IMPA2: variants seen among roughly 807,000 people sequenced by gnomAD.
IMPA2 encodes IMP 2.
A neutral mutation model predicts 35.1 loss-of-function variants in IMPA2; 32 were observed. The observed-to-expected ratio is 0.91, with a 90% CI of 0.69 to 1.23. The LOEUF is 1.23. IMPA2 is among the 50% of genes most tolerant of loss of function. The pLI, the probability that IMPA2 is intolerant of heterozygous loss-of-function variation, is 0.00. For synonymous variants in IMPA2, 135 were observed against 160.6 expected, an observed-to-expected ratio of 0.84 and a Z score of 1.20; for missense variants, 334 against 387.6, an observed-to-expected ratio of 0.86 and a Z score of 1.16.
rs951737195 is a variant in IMPA2 at position 12,025,137 on chromosome 18, T to C, written c.491-2906T>C. Among the ~76,000 whole-genome samples the C allele has an allele frequency of 3.4e-4, 52 of 152,232 alleles. 2 individuals carry two copies. Among genetic ancestry groups the C allele is most frequent in the Non-Finnish European group, 1.5e-5 (1 of 68,050 alleles). On this transcript the variant is annotated intron_variant, in intron 5 of 7. Coordinates refer to ENST00000269159, the MANE Select transcript of IMPA2 (RefSeq NM_014214.3). ...CATGGAGTTGGAATCATACGGTGTG[T>C]AGCTTTTGAGATTGGCTTCTTTCAC... is the stretch of plus-strand genomic sequence containing the variant.
Position 12,010,009 on chromosome 18 carries a change from T to A in IMPA2, c.335+22T>A, listed in dbSNP as rs1399408105. 1.3e-6 allele frequency: 2 copies of A among 1,564,926 alleles called. No homozygotes were observed. Among genetic ancestry groups the A allele is most frequent in the Admixed American group, 1.7e-5 (1 of 59,948 alleles). The stretch of plus-strand genomic sequence containing the variant: ...ACAGGTGAGCTGAGCAGGGATCGCC[T>A]CCATTGCAGGGCTTAACATGTCCTC... On this transcript the variant is annotated intron_variant, in intron 3 of 7. Coordinates refer to ENST00000269159, the MANE Select transcript of IMPA2 (RefSeq NM_014214.3). This position sits in a 1 kb window ranked among gnomAD's most constrained non-coding sequence, Gnocchi z 4.8.
intron 1 of IMPA2, among the ~76,000 whole-genome samples, chr18:11,998,057 T>C (rs1351754343): frequency 2.0e-5 from 3 of 152,060 alleles, no homozygotes; most frequent in African/African-American, 7.2e-5. Context: ...GTCCTAGCTA[T>C]TGGGGAGGCT....
intron 2 of IMPA2, among the ~76,000 whole-genome samples, chr18:12,001,135 A>G (rs570025107): frequency 6.6e-6 from 1 of 151,416 alleles, no homozygotes; most frequent in East Asian, 2.0e-4. Flanking sequence ...AGGCTGAGGC[A>G]GGAGAATTGC....
intron 6 of IMPA2, 142 bp from the exon 7 acceptor site, chr18:12,028,700 C>T: frequency 2.1e-6 from 2 of 966,026 alleles, no homozygotes; most frequent in Non-Finnish European, 3.1e-6. Flanking sequence ...CTATATTCAG[C>T]CTCCAGAGCT....
chr18:12,008,738 A>G (rs931824982), intron 2 of IMPA2: 2 of 360,124 alleles, frequency 5.6e-6, no homozygotes, highest in Non-Finnish European at 1.1e-5. Context: ...GGGAGTTGCC[A>G]TTCGTGGAGG....
chr18:12,030,380 G>A lies in IMPA2; in HGVS notation c.789G>A (p.Ala263=), dbSNP rs1031109837. The A allele has an allele frequency of 6.8e-6, 11 of 1,614,086 alleles. No individual in the cohort carries two copies. The highest frequency in any genetic ancestry group is 2.2e-5 in the East Asian group (1 of 44,894). ...PLDLMACRVV[A]ASTREMAMLI... ...ACCTCATGGCTTGCAGAGTGGTTGC[G>A]GCCAGCACCCGGGAGATGGCGATGC... The change falls in exon 8 of 8, where the codon GCG becomes GCA. Residue 263 remains alanine, a synonymous_variant. Coordinates refer to ENST00000269159, the MANE Select transcript of IMPA2 (RefSeq NM_014214.3).
Position 12,010,263 on chromosome 18 carries a change from G to T in IMPA2, c.335+276G>T, listed in dbSNP as rs1414104246. The T allele has an allele frequency of 2.8e-6, 1 of 351,388 alleles. No individual in the cohort carries two copies. 21.8% of individuals were successfully genotyped at this position (351,388 alleles called of 1,614,324 possible). A position where few individuals can be genotyped will look rare whatever the true frequency, so the allele number is the denominator to read the frequency against. The stretch of plus-strand genomic sequence containing the variant: ...GGGTTGCATTTAACAAGGACCCCTT[G>T]AAGGAGTCTGACTCCCCTCACACCC... On this transcript the variant is annotated intron_variant, in intron 3 of 7. Transcript: ENST00000269159. The surrounding 1 kb of genome is among the most constrained non-coding windows in gnomAD (Gnocchi z 4.8).
chr18:12,012,114 T>G, intron 3 of IMPA2, 56 bp from the exon 4 acceptor site: 3 of 1,553,506 alleles, frequency 1.9e-6, no homozygotes, highest in Non-Finnish European at 2.7e-6. Flanking sequence ...GCACACAGGC[T>G]CCCGAGAGCT....
intron 2 of IMPA2, among the ~76,000 whole-genome samples, chr18:12,004,474 G>A (rs1267942000): frequency 6.6e-6 from 1 of 151,476 alleles, no homozygotes; most frequent in Admixed American, 6.6e-5. Flanking sequence ...TAGACGTATG[G>A]AATGTTCTTT....
At chr18:11,998,457 C>T (rs999137370) in intron 1 of IMPA2, among the ~76,000 whole-genome samples, 65 of 152,318 alleles carry the variant, frequency 4.3e-4, no homozygotes, top group African/African-American at 1.5e-3. Context: ...CAGCCCAGAG[C>T]GCAGTGAGAG....
At chr18:12,026,568 C>T (rs913491861) in intron 5 of IMPA2, among the ~76,000 whole-genome samples, 14 of 152,180 alleles carry the variant, frequency 9.2e-5, no homozygotes, top group African/African-American at 2.9e-4. Flanking sequence ...AACTGTTTAT[C>T]GAGTGCCCAC....
chr18:11,997,183 C>T (rs1300343811), intron 1 of IMPA2, among the ~76,000 whole-genome samples: 5 of 152,244 alleles, frequency 3.3e-5, no homozygotes, highest in Non-Finnish European at 5.9e-5. Context: ...GGTCCTGGAC[C>T]ATGGGCAGAT....
intron 4 of IMPA2, among the ~76,000 whole-genome samples, chr18:12,013,159 G>A (rs1448921090): frequency 1.3e-5 from 2 of 152,208 alleles, no homozygotes; most frequent in Admixed American, 1.3e-4. Context: ...CCTTCTGTGG[G>A]TTGGCTAGGG....
At chr18:12,025,902 C>T (rs1169419796) in intron 5 of IMPA2, among the ~76,000 whole-genome samples, 1 of 152,082 alleles carries the variant, frequency 6.6e-6, no homozygotes, top group East Asian at 1.9e-4. Flanking sequence ...TCCCTGAGGA[C>T]ATATGATGTG....
intron 2 of IMPA2, among the ~76,000 whole-genome samples, chr18:12,006,062 C>G (rs1232990626): frequency 6.6e-6 from 1 of 152,134 alleles, no homozygotes; most frequent in Non-Finnish European, 1.5e-5. Flanking sequence ...TTAAAAACGT[C>G]ATTGCAAGCC....
At chr18:12,011,478 C>G (rs559090270) in intron 3 of IMPA2, among the ~76,000 whole-genome samples, 50 of 152,360 alleles carry the variant, frequency 3.3e-4, no homozygotes, top group African/African-American at 1.2e-3. Context: ...CCCAAGGTCC[C>G]ACACACCCTG....
At chr18:12,016,439 T>G (rs1317668355) in intron 5 of IMPA2, among the ~76,000 whole-genome samples, 1 of 151,876 alleles carries the variant, frequency 6.6e-6, no homozygotes, top group Admixed American at 6.6e-5. Context: ...TTTTTTTTTT[T>G]TTCTGAGATG....
At chr18:11,984,947 G>A (rs1317054776) in intron 1 of IMPA2, among the ~76,000 whole-genome samples, 14 of 138,896 alleles carry the variant, frequency 1.0e-4, no homozygotes, top group African/African-American at 3.8e-4. Context: ...CAGCCTGAGC[G>A]ACAGAGCAAG....
At chr18:11,983,771 A>G (rs1408997661) in intron 1 of IMPA2, among the ~76,000 whole-genome samples, 1 of 152,046 alleles carries the variant, frequency 6.6e-6, no homozygotes, top group Non-Finnish European at 1.5e-5. Context: ...AATGGCCTGA[A>G]GGTCTGCTGC....
Sources: allele counts gnomAD v4.1 joint callset (sites outside exome capture counted in the v4.1 genomes callset), GRCh38; gene constraint gnomAD v4.1.1; non-coding constraint Gnocchi (gnomAD v3.1); transcripts MANE v1.5; gene names NCBI Gene and HGNC (gene_info 2026-07-23, HGNC 2026-07-21).